The following DNAAF11 variants were observed in gnomAD, a reference collection of about 807,000 sequenced individuals.
The protein encoded by DNAAF11 is leucine rich repeat containing 6.
A neutral mutation model predicts 60.8 loss-of-function variants in DNAAF11; 45 were observed. The observed-to-expected ratio is 0.74, with a 90% confidence interval of 0.58 to 0.95. The LOEUF (loss-of-function observed/expected upper bound fraction) is 0.95. Ranked by LOEUF, DNAAF11 falls within the 40% of genes least tolerant of loss-of-function variation. The probability of loss-of-function intolerance (pLI) is 0.00; values close to 1 mark genes in which losing one functional copy is unlikely to be tolerated. For missense variants in DNAAF11, 546 were observed against 546.2 expected (o/e 1.00, Z 0.00); for synonymous variants, 191 against 183.5 (o/e 1.04, Z -0.33).
chr8:132,598,702 A>C (rs183503923), intron 10 of DNAAF11, among the ~76,000 whole-genome samples: 1 of 152,352 alleles, frequency 6.6e-6, no homozygotes, highest in Admixed American at 6.5e-5. Flanking sequence ...CTCTGCTAGA[A>C]ATAAAGATGT....
At chr8:132,697,605 G>C in the DNAAF11 span, among the ~76,000 whole-genome samples, 1 of 146,884 alleles carries the variant, frequency 6.8e-6, no homozygotes, top group African/African-American at 2.6e-5. Flanking sequence ...GAGACAGAGC[G>C]AGACCCCATC....
upstream of DNAAF11, chr8:132,675,715 C>T: frequency 7.0e-6 from 3 of 429,410 alleles, no homozygotes; most frequent in Non-Finnish European, 1.3e-5. Flanking sequence ...CAGGGGTTCC[C>T]CAACCCAAAC....
At chr8:132,579,281 C>G (rs1815075797) in intron 11 of DNAAF11, among the ~76,000 whole-genome samples, 1 of 152,130 alleles carries the variant, frequency 6.6e-6, no homozygotes, top group Non-Finnish European at 1.5e-5. Context: ...TCCAGTAAAA[C>G]AGAACACCCC....
chr8:132,570,440 G>A lies in DNAAF11; in HGVS notation c.*1866C>T, dbSNP rs1814073179. 6.6e-6 allele frequency among the ~76,000 whole-genome samples: 1 copy of A among 152,120 alleles called. No homozygotes were observed. The highest frequency in any genetic ancestry group is 6.5e-5 in the Admixed American group (1 of 15,278). The stretch of plus-strand genomic sequence containing the variant: ...ATGGCACAGTTTTGTTTGTTTAATG[G>A]ATAATTCTATTAGTTTGGTCAAAAG... On this transcript the variant is annotated 3_prime_UTR_variant, in exon 12 of 12. Coordinates refer to ENST00000620350, the MANE Select transcript of DNAAF11 (RefSeq NM_012472.6).
At chr8:132,609,651 G>A (rs977405239) in intron 10 of DNAAF11, among the ~76,000 whole-genome samples, 4 of 152,154 alleles carry the variant, frequency 2.6e-5, no homozygotes, top group Admixed American at 6.6e-5. Flanking sequence ...ATAGGAACAT[G>A]AAAGTATGCT....
chr8:132,654,359 G>A (rs1823323946), intron 3 of DNAAF11, among the ~76,000 whole-genome samples: 1 of 151,814 alleles, frequency 6.6e-6, no homozygotes, highest in African/African-American at 2.4e-5. Flanking sequence ...TTTAATAATA[G>A]ATAAAACAAT....
intron 9 of DNAAF11, 62 bp from the exon 10 acceptor site, chr8:132,610,323 A>T: frequency 9.5e-7 from 1 of 1,047,606 alleles, no homozygotes; most frequent in Non-Finnish European, 1.5e-6. Context: ...AGGGTTACTA[A>T]AAGGGGCATT....
intron 3 of DNAAF11, among the ~76,000 whole-genome samples, chr8:132,640,696 A>G (rs2130584065): frequency 6.6e-6 from 1 of 152,274 alleles, no homozygotes; most frequent in South Asian, 2.1e-4. Context: ...TTTCCTGTCT[A>G]CTATAATCCT....
chr8:132,674,112 C>CAGGAGGAGGAGG (rs1289910379), intron 1 of DNAAF11, among the ~76,000 whole-genome samples: 20 of 46,688 alleles, frequency 4.3e-4, no homozygotes, highest in South Asian at 4.0e-3. Context: ...GGAGGAGGAG[C>CAGGAGGAGGAGG]AGGAGGAGGA....
At chr8:132,638,321 GTC>G (rs1821512694) in intron 3 of DNAAF11, among the ~76,000 whole-genome samples, 1 of 152,006 alleles carries the variant, frequency 6.6e-6, no homozygotes, top group Admixed American at 6.6e-5. Flanking sequence ...TATTTTCACC[GTC>G]TGAGTCCTTC....
chr8:132,628,607 G>A (rs1820510240), intron 5 of DNAAF11, among the ~76,000 whole-genome samples: 1 of 152,202 alleles, frequency 6.6e-6, no homozygotes, highest in South Asian at 2.1e-4. Flanking sequence ...CTAATTCTCT[G>A]TAGTGTTTCT....
intron 10 of DNAAF11, among the ~76,000 whole-genome samples, chr8:132,596,593 G>C: frequency 6.6e-6 from 1 of 152,162 alleles, no homozygotes; most frequent in Non-Finnish European, 1.5e-5. Flanking sequence ...ATGACATCCT[G>C]AATTCAACCC....
chr8:132,677,758 G>T (rs1274832862), upstream of DNAAF11, among the ~76,000 whole-genome samples: 1 of 152,106 alleles, frequency 6.6e-6, no homozygotes, highest in Non-Finnish European at 1.5e-5. Flanking sequence ...CGGGGTGCTG[G>T]TGCGTTGGGT....
chr8:132,690,666 C>A, the DNAAF11 span, among the ~76,000 whole-genome samples: 1 of 152,198 alleles, frequency 6.6e-6, no homozygotes, highest in African/African-American at 2.4e-5. Flanking sequence ...GGATCCAACC[C>A]AGGTTACCAC....
chr8:132,671,225 T>C (rs1412198708), intron 1 of DNAAF11, among the ~76,000 whole-genome samples: 3 of 152,284 alleles, frequency 2.0e-5, no homozygotes, highest in Middle Eastern at 6.8e-3. Context: ...TTTGAAAAGA[T>C]TGCAGAATAT....
chr8:132,650,163 C>T (rs1030387242), intron 3 of DNAAF11, among the ~76,000 whole-genome samples: 1 of 152,162 alleles, frequency 6.6e-6, no homozygotes, highest in African/African-American at 2.4e-5. Context: ...TGTGGCACAT[C>T]AACACCATGG....
intron 4 of DNAAF11, among the ~76,000 whole-genome samples, chr8:132,637,132 A>G (rs1441752822): frequency 6.6e-6 from 1 of 152,220 alleles, no homozygotes; most frequent in African/African-American, 2.4e-5. Flanking sequence ...GATATGGTAT[A>G]AGAGTAACAT....
At chr8:132,582,924 G>A (rs1434504451) in intron 11 of DNAAF11, among the ~76,000 whole-genome samples, 1 of 152,226 alleles carries the variant, frequency 6.6e-6, no homozygotes, top group African/African-American at 2.4e-5. Flanking sequence ...GAAGAACTGA[G>A]AAAGGGGAGA....
chr8:132,583,474 G>T lies in DNAAF11; in HGVS notation c.1226+220C>A, dbSNP rs146961478. 4.1e-3 allele frequency among the ~76,000 whole-genome samples: 630 copies of T among 152,252 alleles called. 10 individuals are homozygous for T. The highest frequency in any genetic ancestry group is 0.014 in the African/African-American group (594 of 41,554). On this transcript the variant is annotated intron_variant, in intron 11 of 11. Transcript: ENST00000620350. ...TTGACATTACCAGTCGTTATATTAT[G>T]ACGAGACATTGGGACCTGTATATAC...
Sources: allele counts gnomAD v4.1 joint callset (sites outside exome capture counted in the v4.1 genomes callset), GRCh38; gene constraint gnomAD v4.1.1; transcripts MANE v1.5; gene names NCBI Gene and HGNC (gene_info 2026-07-23, HGNC 2026-07-21).